The following ELF1 variants were observed in gnomAD, a reference collection of about 807,000 sequenced individuals.
ELF1 encodes the protein ETS-related transcription factor Elf-1.
A neutral mutation model predicts 59.9 loss-of-function variants in ELF1; 24 were observed. That is an observed-to-expected ratio of 0.40 (90% CI 0.29 to 0.56). The LOEUF (loss-of-function observed/expected upper bound fraction) is 0.56. Ranked by LOEUF, ELF1 falls within the 20% of genes least tolerant of loss-of-function variation. ELF1 has a pLI of 0.44. For missense variants in ELF1, 627 were observed against 742.2 expected (o/e 0.84, Z 1.80); for synonymous variants, 248 against 266.2 (o/e 0.93, Z 0.67).
intron 1 of ELF1, among the ~76,000 whole-genome samples, chr13:41,015,219 T>G (rs1439341438): frequency 6.6e-6 from 1 of 151,732 alleles, no homozygotes; most frequent in South Asian, 2.1e-4. Context: ...AAAAATAGGT[T>G]AATTACATTA....
At chr13:41,004,918 A>C (rs1874655491) in intron 1 of ELF1, among the ~76,000 whole-genome samples, 1 of 152,146 alleles carries the variant, frequency 6.6e-6, no homozygotes, top group Non-Finnish European at 1.5e-5. Context: ...CGAATCAACA[A>C]GTGACAAAAG....
chr13:40,997,089 C>G (rs148683347), intron 1 of ELF1, among the ~76,000 whole-genome samples: 4 of 152,132 alleles, frequency 2.6e-5, no homozygotes, highest in African/African-American at 9.7e-5. Context: ...GGTTTAAGGA[C>G]ATAATCTCCA....
At chr13:40,966,809 C>T (rs1436983460) in intron 2 of ELF1, among the ~76,000 whole-genome samples, 1 of 152,088 alleles carries the variant, frequency 6.6e-6, no homozygotes, top group Non-Finnish European at 1.5e-5. Context: ...AATGAAATAC[C>T]TACAAAATAT....
chr13:41,050,369 T>C (rs1877035363), intron 1 of ELF1, among the ~76,000 whole-genome samples: 2 of 152,234 alleles, frequency 1.3e-5, no homozygotes. Flanking sequence ...CATTTCACTG[T>C]ATGTACACAC....
intron 1 of ELF1, among the ~76,000 whole-genome samples, chr13:41,008,642 A>G (rs1048478815): frequency 3.3e-5 from 5 of 152,136 alleles, no homozygotes; most frequent in African/African-American, 1.2e-4. Context: ...GGGGACAAAA[A>G]GTTCATTCAT....
chr13:40,932,027 CTG>C lies in ELF1; in HGVS notation c.*1396_*1397del, dbSNP rs759803311. On this transcript the variant is annotated 3_prime_UTR_variant, in exon 9 of 9. Transcript: ENST00000239882. ...AGAAACTTTTGCCTGAAAACAGACA[CTG>C]AGAATTTTTATATGATTTATTTAAT... 2.6e-5 allele frequency: 4 copies of C among 152,140 alleles called. No homozygotes were observed. The allele number at this position is 152,140 out of a possible 1,614,324, so 9.4% of individuals were successfully genotyped here. A position where few individuals can be genotyped will look rare whatever the true frequency, so the allele number is the denominator to read the frequency against.
intron 1 of ELF1, among the ~76,000 whole-genome samples, chr13:41,008,497 G>A (rs1874872692): frequency 6.6e-6 from 1 of 151,902 alleles, no homozygotes; most frequent in African/African-American, 2.4e-5. Context: ...TGAGACTGGT[G>A]TGATTTTGAT....
rs772172636 is a variant in ELF1, at chr13:40,942,960, T to C, written c.798A>G (p.Arg266=). The change falls in exon 7 of 9, where the codon AGA becomes AGG. Residue 266 remains arginine, a synonymous_variant. Coordinates refer to ENST00000239882, the MANE Select transcript of ELF1 (RefSeq NM_172373.4). ...ACCAAAACTTCGCATACCTGAGTGC[T>C]CTTCCCATGGTCTCATAATTCATAT... The part of the protein sequence containing the change: ...KPDMNYETMG[R]ALRYYYQRGI... 1.3e-6 allele frequency: 2 copies of C among 1,585,420 alleles called. No individual in the cohort carries two copies. Among genetic ancestry groups the C allele is most frequent in the Non-Finnish European group, 8.6e-7 (1 of 1,164,562 alleles).
intron 1 of ELF1, among the ~76,000 whole-genome samples, chr13:41,047,766 C>G (rs958378597): frequency 1.4e-4 from 22 of 152,204 alleles, no homozygotes; most frequent in Non-Finnish European, 5.9e-5. Context: ...TCTCAGATCT[C>G]AAACTCTGTG....
intron 2 of ELF1, among the ~76,000 whole-genome samples, chr13:40,960,164 C>A (rs1871727309): frequency 6.6e-6 from 1 of 152,096 alleles, no homozygotes; most frequent in African/African-American, 2.4e-5. Flanking sequence ...AATATAAAGA[C>A]AGCATAATTA....
chr13:41,014,916 A>C (rs1875269623), intron 1 of ELF1, among the ~76,000 whole-genome samples: 1 of 152,128 alleles, frequency 6.6e-6, no homozygotes, highest in Admixed American at 6.5e-5. Context: ...TCCAAGCATT[A>C]CAGGGTTAAA....
At chr13:41,004,341 C>T (rs189552698) in intron 1 of ELF1, among the ~76,000 whole-genome samples, 11 of 151,512 alleles carry the variant, frequency 7.3e-5, no homozygotes, top group Admixed American at 7.2e-4. Flanking sequence ...GGAGAGAGAA[C>T]ATGAAAGGAA....
At chr13:41,052,253 A>C (rs897397702) in intron 1 of ELF1, among the ~76,000 whole-genome samples, 1 of 152,150 alleles carries the variant, frequency 6.6e-6, no homozygotes, top group Non-Finnish European at 1.5e-5. Flanking sequence ...ATTACTTTTC[A>C]AAGAACAAAA....
intron 2 of ELF1, among the ~76,000 whole-genome samples, chr13:40,966,428 A>G (rs926069045): frequency 6.6e-6 from 1 of 152,204 alleles, no homozygotes; most frequent in African/African-American, 2.4e-5. Flanking sequence ...TTTTAGCAGA[A>G]GAGAGTCACA....
intron 1 of ELF1, among the ~76,000 whole-genome samples, chr13:41,024,925 C>G (rs1229067790): frequency 6.6e-6 from 1 of 152,182 alleles, no homozygotes; most frequent in African/African-American, 2.4e-5. Context: ...CAGAATCTTT[C>G]TCTACCACCA....
At chr13:40,995,619 A>T (rs1213022206) in intron 1 of ELF1, among the ~76,000 whole-genome samples, 1 of 151,944 alleles carries the variant, frequency 6.6e-6, no homozygotes, top group Non-Finnish European at 1.5e-5. Context: ...TAAAGAAAAG[A>T]GTTTTTTCAA....
rs368388366 is a variant in ELF1 at position 40,936,760 on chromosome 13, CAAAAAAAAA to C, written c.1257-2741_1257-2733del. 2.3e-4 allele frequency among the ~76,000 whole-genome samples: 18 copies of C among 77,140 alleles called. No homozygotes were observed. In the Admixed American group the frequency reaches 2.4e-3, roughly 10 times the overall value. The allele number at this position is 77,140 out of a possible 152,430, so 50.6% of individuals were successfully genotyped here. A position where few individuals can be genotyped will look rare whatever the true frequency, so the allele number is the denominator to read the frequency against. On this transcript the variant is annotated intron_variant, in intron 8 of 8. Transcript: ENST00000239882. ...TGGTTGACAGAGCAAGACTCCGTCT[CAAAAAAAAA>C]AAAAAAAAGAAAAAAAAGAAAAAAA...
At chr13:40,970,937 G>A (rs901968022) in intron 2 of ELF1, among the ~76,000 whole-genome samples, 5 of 152,028 alleles carry the variant, frequency 3.3e-5, no homozygotes, top group African/African-American at 7.2e-5. Context: ...TAGTGATGAC[G>A]GAAGCAGCTA....
At chr13:40,981,365 G>A (rs1422047669) in intron 2 of ELF1, among the ~76,000 whole-genome samples, 2 of 152,044 alleles carry the variant, frequency 1.3e-5, no homozygotes, top group East Asian at 1.9e-4. Flanking sequence ...GGGGGAAGGA[G>A]ACTAAAATTA....
Sources: gnomAD v4.1 joint callset for allele counts (sites outside exome capture counted in the v4.1 genomes callset) on GRCh38, gnomAD v4.1.1 for gene constraint, MANE v1.5 for transcripts, NCBI Gene and HGNC (gene_info 2026-07-23, HGNC 2026-07-21) for gene names.